WBP11: variants seen among roughly 807,000 people sequenced by gnomAD.
WBP11 encodes WW domain-binding protein 11.
A neutral mutation model predicts 66.7 loss-of-function variants in WBP11; 12 were observed. The observed-to-expected ratio is 0.18, with a 90% CI of 0.12 to 0.29. WBP11 has a LOEUF of 0.29. Among genes scored for constraint, WBP11 ranks in the 10% least tolerant of loss-of-function variants. The pLI is 1.00. For missense variants in WBP11, 555 were observed against 818.3 expected, an observed-to-expected ratio of 0.68 and a Z score of 3.93; for synonymous variants, 255 against 273.8, an observed-to-expected ratio of 0.93 and a Z score of 0.68.
intron 2 of WBP11, 23 bp from the exon 3 acceptor site, chr12:14,800,806 A>G (rs1484320945): frequency 1.3e-6 from 2 of 1,582,512 alleles, no homozygotes; most frequent in Middle Eastern, 1.7e-4. Context: ...AGAGGGAGAT[A>G]TAATAAAATC....
chr12:14,799,954 C>T (rs1949939569), intron 3 of WBP11, among the ~76,000 whole-genome samples: 1 of 152,280 alleles, frequency 6.6e-6, no homozygotes, highest in African/African-American at 2.4e-5. Flanking sequence ...TCTTTGAACT[C>T]TGAGATCTTT....
chr12:14,799,789 T>C, intron 3 of WBP11, 61 bp from the exon 4 acceptor site: 3 of 1,498,768 alleles, frequency 2.0e-6, no homozygotes. Flanking sequence ...TACTTCAACT[T>C]GCTTTAAGAA....
chr12:14,800,596 TAA>T (rs1056705443), intron 3 of WBP11, among the ~76,000 whole-genome samples, 154 bp downstream of exon 3: 1 of 152,160 alleles, frequency 6.6e-6, no homozygotes, highest in African/African-American at 2.4e-5. Context: ...AGTTCCTAAA[TAA>T]AGTTTGGCTT....
intron 10 of WBP11, among the ~76,000 whole-genome samples, chr12:14,789,706 T>C (rs1010006961): frequency 3.9e-4 from 59 of 152,190 alleles, no homozygotes; most frequent in African/African-American, 1.4e-3. Flanking sequence ...GTTGGAAATA[T>C]ACAAAGGTGA....
intron 7 of WBP11, 132 bp downstream of exon 7, chr12:14,794,405 T>A (rs1344123606): frequency 2.1e-6 from 2 of 959,598 alleles, no homozygotes; most frequent in East Asian, 4.8e-5. Flanking sequence ...TTTATCCAAC[T>A]GTATGTATAT....
intron 10 of WBP11, among the ~76,000 whole-genome samples, chr12:14,789,888 T>C (rs1266180223): frequency 6.6e-6 from 1 of 152,224 alleles, no homozygotes; most frequent in Non-Finnish European, 1.5e-5. Context: ...GAAGAAAACT[T>C]AGTAGGCTGA....
chr12:14,799,603 A>C, intron 4 of WBP11, 32 bp downstream of exon 4: 1 of 1,602,852 alleles, frequency 6.2e-7, no homozygotes, highest in Non-Finnish European at 8.5e-7. Context: ...TACGTGTCAG[A>C]CTGTTATAGC....
chr12:14,788,828 T>G (rs191814535), intron 11 of WBP11, 123 bp downstream of exon 11: 2 of 544,140 alleles, frequency 3.7e-6, no homozygotes, highest in African/African-American at 2.0e-5. Context: ...AACGGCAACT[T>G]AAAAACCACC....
At chr12:14,792,845 G>A (rs1949837130) in intron 8 of WBP11, among the ~76,000 whole-genome samples, 2 of 148,274 alleles carry the variant, frequency 1.3e-5, no homozygotes, top group Admixed American at 6.7e-5. Context: ...AAAAAAAAAA[G>A]GAAAAAAAGA....
intron 4 of WBP11, among the ~76,000 whole-genome samples, chr12:14,797,253 A>G (rs1446776676): frequency 6.6e-6 from 1 of 152,198 alleles, no homozygotes; most frequent in Non-Finnish European, 1.5e-5. Context: ...TGTAATAAAA[A>G]TCAATTTTCA....
intron 10 of WBP11, among the ~76,000 whole-genome samples, chr12:14,790,225 G>C (rs1949804958): frequency 2.0e-5 from 3 of 152,214 alleles, no homozygotes; most frequent in Admixed American, 1.3e-4. Flanking sequence ...GAAAAACTGT[G>C]AAAACAAGAG....
chr12:14,803,257 G>A, intron 1 of WBP11, 95 bp downstream of exon 1: 1 of 394,714 alleles, frequency 2.5e-6, no homozygotes, highest in Non-Finnish European at 4.5e-6. Context: ...AGGAGGAGCG[G>A]GGCAAAGGGG....
Position 14,800,765 on chromosome 12 carries a change from C to T in WBP11, c.83G>A (p.Arg28Lys). The T allele has an allele frequency of 6.2e-7, 1 of 1,606,540 alleles. No individual in the cohort carries two copies. Among genetic ancestry groups the T allele is most frequent in the Non-Finnish European group, 8.5e-7 (1 of 1,176,054 alleles). Reference protein sequence around the residue: ...TDQARKEARKRELKKNKKQRM... With the variant: ...TDQARKEARKKELKKNKKQRM... ...CTAAAATCATACCTTCTTTAATTCT[C>T]TCTTCCGGGCTTCCTTTCCTTTAAA... Residue 28 changes from arginine (R) to lysine (K), a missense_variant, in exon 3 of 12, where the codon AGA becomes AAA. Coordinates refer to ENST00000261167, the MANE Select transcript of WBP11 (RefSeq NM_016312.3).
intron 1 of WBP11, among the ~76,000 whole-genome samples, chr12:14,802,886 C>T (rs570434805): frequency 6.6e-6 from 1 of 152,268 alleles, no homozygotes; most frequent in African/African-American, 2.4e-5. Context: ...ATACGAATTA[C>T]AGAGAATTTT....
intron 4 of WBP11, among the ~76,000 whole-genome samples, chr12:14,797,532 C>T (rs1314473482): frequency 6.6e-6 from 1 of 152,200 alleles, no homozygotes; most frequent in African/African-American, 2.4e-5. Flanking sequence ...ACTATACAAT[C>T]CTTTCTCTCC....
chr12:14,801,369 A>C lies in WBP11; in HGVS notation c.15T>G (p.Ser5=). 1 of 1,613,422 alleles carries C rather than the reference A, an allele frequency of 6.2e-7. No individual in the cohort carries two copies. Among genetic ancestry groups the C allele is most frequent in the Admixed American group, 1.7e-5 (1 of 60,004 alleles). MGRR[S]TSSTKSGKFM... ...ATTTTCCACTCTTGGTGGATGATGT[A>C]GATCTCCGTCCCATGTTGACAATTT... Residue 5 remains serine, a synonymous_variant, in exon 2 of 12, where the codon TCT becomes TCG. Coordinates refer to ENST00000261167, the MANE Select transcript of WBP11 (RefSeq NM_016312.3).
chr12:14,802,097 C>T (rs1949971518), intron 1 of WBP11: 1 of 152,122 alleles, frequency 6.6e-6, no homozygotes, highest in South Asian at 2.1e-4. Context: ...AATATTAAGA[C>T]ACATATTTTT....
At chr12:14,797,036 T>C (rs1949901591) in intron 4 of WBP11, 33 bp from the exon 5 acceptor site, 2 of 1,527,944 alleles carry the variant, frequency 1.3e-6, no homozygotes, top group Admixed American at 4.6e-5. Context: ...GAATTAAATA[T>C]AAGAGGCCAC....
intron 2 of WBP11, 96 bp downstream of exon 2, chr12:14,801,224 C>G: frequency 8.1e-7 from 1 of 1,240,914 alleles, no homozygotes; most frequent in Non-Finnish European, 1.2e-6. Flanking sequence ...CCTATCACTG[C>G]TGGTCTTGTA....
Sources: allele counts gnomAD v4.1 joint callset (sites outside exome capture counted in the v4.1 genomes callset), GRCh38; gene constraint gnomAD v4.1.1; transcripts MANE v1.5; gene names NCBI Gene and HGNC (gene_info 2026-07-23, HGNC 2026-07-21).